DCAF17: variants seen among roughly 807,000 people sequenced by gnomAD.
DCAF17 encodes DDB1- and CUL4-associated factor 17.
Under a neutral mutation model 66.0 loss-of-function variants are expected in DCAF17, and 48 were observed. The observed-to-expected ratio is 0.73, with a 90% CI of 0.58 to 0.92. The LOEUF (loss-of-function observed/expected upper bound fraction) is 0.92. Among genes scored for constraint, DCAF17 ranks in the 40% least tolerant of loss-of-function variants. The pLI is 0.00. For synonymous variants in DCAF17, 206 were observed against 214.6 expected, an observed-to-expected ratio of 0.96 and a Z score of 0.35; for missense variants, 562 against 622.8, an observed-to-expected ratio of 0.90 and a Z score of 1.04.
chr2:171,465,721 G>T (rs984852413), intron 8 of DCAF17, among the ~76,000 whole-genome samples: 4 of 152,104 alleles, frequency 2.6e-5, no homozygotes, highest in Non-Finnish European at 5.9e-5. Context: ...CTGACCTCAG[G>T]CAATCTACCC....
intron 2 of DCAF17, among the ~76,000 whole-genome samples, chr2:171,439,238 T>A (rs772591456): frequency 1.3e-5 from 2 of 152,160 alleles, no homozygotes. Context: ...CAGCCATTAT[T>A]ACTTCAAATA....
chr2:171,434,837 C>T, intron 1 of DCAF17, 134 bp downstream of exon 1: 1 of 1,351,896 alleles, frequency 7.4e-7, no homozygotes, highest in East Asian at 2.6e-5. Flanking sequence ...GGATACAAGC[C>T]CGGAATCTGG....
intron 8 of DCAF17, among the ~76,000 whole-genome samples, chr2:171,467,002 A>G (rs994410895): frequency 4.6e-5 from 7 of 151,984 alleles, no homozygotes; most frequent in African/African-American, 1.7e-4. Flanking sequence ...AAAGACCTTT[A>G]TATATTAAAG....
chr2:171,483,924 G>C lies in DCAF17; in HGVS notation c.*2810G>C, dbSNP rs774736126. ...TCCTCCAAAGTTCTCAAAAGGCAAGGCATGTTATTTTATCCCAATTTAGCA... is the reference window on the plus strand; with the variant it reads ...TCCTCCAAAGTTCTCAAAAGGCAAGCCATGTTATTTTATCCCAATTTAGCA... On this transcript the variant is annotated 3_prime_UTR_variant, in exon 14 of 14. Coordinates refer to ENST00000375255, the MANE Select transcript of DCAF17 (RefSeq NM_025000.4). 6 of 453,856 alleles carry C rather than the reference G, an allele frequency of 1.3e-5. No homozygotes were observed. The highest frequency in any genetic ancestry group is 9.3e-5 in the South Asian group (6 of 64,476). The allele number at this position is 453,856 out of a possible 1,614,324, so 28.1% of individuals were successfully genotyped here.
chr2:171,454,068 G>T (rs935598466), intron 6 of DCAF17, among the ~76,000 whole-genome samples: 3 of 151,888 alleles, frequency 2.0e-5, no homozygotes, highest in African/African-American at 4.8e-5. Context: ...TACTCAGAAG[G>T]CTGAGGCAGG....
At position 171,458,000 on chromosome 2, in the gene DCAF17, G is replaced by T; in HGVS notation, c.657G>T (p.Leu219Phe). The stretch of plus-strand genomic sequence containing the variant: ...TTGGGAACGTTACAGATGCTACCTT[G>T]TCTCATGGAATACTGATTGTGATGT... Reference protein sequence around the residue: ...KIFGNVTDATLSHGILIVMYS... With the variant: ...KIFGNVTDATFSHGILIVMYS... The change falls in exon 7 of 14, where the codon TTG becomes TTT. Residue 219 changes from leucine (L) to phenylalanine (F), a missense_variant. This residue lies in a region of DCAF17 where 348 missense variants were observed against 355.9 expected (regional missense o/e 0.98). Coordinates refer to ENST00000375255, the MANE Select transcript of DCAF17 (RefSeq NM_025000.4). 1 of 1,614,088 alleles carries T rather than the reference G, an allele frequency of 6.2e-7. No homozygotes were observed. The highest frequency in any genetic ancestry group is 1.1e-5 in the South Asian group (1 of 91,082).
chr2:171,467,936 C>T (rs1696019206), intron 8 of DCAF17, among the ~76,000 whole-genome samples: 1 of 151,914 alleles, frequency 6.6e-6, no homozygotes, highest in Non-Finnish European at 1.5e-5. Flanking sequence ...AATCATCTTC[C>T]TAAGACAAGC....
At chr2:171,471,269 G>C (rs1696228907) in intron 9 of DCAF17, among the ~76,000 whole-genome samples, 1 of 152,088 alleles carries the variant, frequency 6.6e-6, no homozygotes. Context: ...TTAGTCAGAA[G>C]AGTAGATAAC....
chr2:171,484,938 C>G lies in DCAF17; in HGVS notation c.*3824C>G. ...TCATTTCTTTTTATTGCTGAGTATT[C>G]TTTCGTATGAATATATCACAGTTTG... On this transcript the variant is annotated 3_prime_UTR_variant, in exon 14 of 14. Coordinates refer to ENST00000375255, the MANE Select transcript of DCAF17 (RefSeq NM_025000.4). 2.2e-6 allele frequency: 1 copy of G among 453,962 alleles called. No homozygotes were observed. The allele number at this position is 453,962 out of a possible 1,614,324, so 28.1% of individuals were successfully genotyped here. A position where few individuals can be genotyped will look rare whatever the true frequency, so the allele number is the denominator to read the frequency against.
intron 9 of DCAF17, among the ~76,000 whole-genome samples, chr2:171,473,305 G>A (rs901234058): frequency 6.6e-6 from 1 of 152,104 alleles, no homozygotes; most frequent in Non-Finnish European, 1.5e-5. Context: ...TGTTTAGTAG[G>A]TTGAAAATAT....
At chr2:171,441,892 T>C (rs1015105791) in intron 2 of DCAF17, among the ~76,000 whole-genome samples, 1 of 152,248 alleles carries the variant, frequency 6.6e-6, no homozygotes, top group African/African-American at 2.4e-5. Context: ...GAGCTCTTCA[T>C]GCCCTCATGC....
intron 8 of DCAF17, among the ~76,000 whole-genome samples, chr2:171,458,959 GTC>G (rs1695419621): frequency 6.6e-6 from 1 of 152,076 alleles, no homozygotes; most frequent in Non-Finnish European, 1.5e-5. Context: ...TTATATACAA[GTC>G]TATAAATATA....
Position 171,458,066 on chromosome 2 carries a change from C to T in DCAF17, c.723C>T (p.Ile241=), listed in dbSNP as rs746865242. 83 of 1,613,366 alleles carry T rather than the reference C, an allele frequency of 5.1e-5. No individual in the cohort carries two copies. Among genetic ancestry groups the T allele is most frequent in the Non-Finnish European group, 6.6e-5 (78 of 1,179,494 alleles). Residue 241 remains isoleucine, a synonymous_variant, in exon 7 of 14, where the codon ATC becomes ATT. Transcript: ENST00000375255. ...GLVRLYSFQT[I]AEQFMQQKLD... ...TCAGACTCTATAGCTTCCAAACCAT[C>T]GCTGAACAGGTAGAGAAAACTGAAA...
At position 171,468,961 on chromosome 2, in the gene DCAF17, C is replaced by T. The variant is rs764555678; in HGVS notation, c.912C>T (p.Tyr304=). ...AGATTGGAGGCCATCCTTGGCACTA[C>T]ATCGTCACACCTAATAAGAAGAAAC... ...AFQIGGHPWH[Y]IVTPNKKKQK... is the part of the protein sequence containing the mutation. The change falls in exon 9 of 14, where the codon TAC becomes TAT. Residue 304 remains tyrosine, a synonymous_variant. Transcript: ENST00000375255. The T allele has an allele frequency of 3.1e-6, 5 of 1,614,110 alleles. No individual in the cohort carries two copies. Among genetic ancestry groups the T allele is most frequent in the Non-Finnish European group, 4.2e-6 (5 of 1,179,964 alleles).
intron 8 of DCAF17, among the ~76,000 whole-genome samples, chr2:171,466,762 C>T (rs1695925451): frequency 7.0e-6 from 1 of 141,882 alleles, no homozygotes; most frequent in African/African-American, 2.7e-5. Context: ...ATTCCTATGT[C>T]CTCTATATTG....
intron 6 of DCAF17, among the ~76,000 whole-genome samples, chr2:171,454,142 C>G (rs886320607): frequency 2.4e-4 from 37 of 151,758 alleles, no homozygotes; most frequent in African/African-American, 7.3e-5. Context: ...TACACTCCAG[C>G]CTGGGTGACA....
intron 8 of DCAF17, among the ~76,000 whole-genome samples, chr2:171,466,630 C>T (rs1287406942): frequency 6.6e-6 from 1 of 151,644 alleles, no homozygotes; most frequent in East Asian, 1.9e-4. Flanking sequence ...GTTCACAGGG[C>T]ACATTAGAGT....
At position 171,484,394 on chromosome 2, in the gene DCAF17, TA is replaced by T; in HGVS notation, c.*3284del. On this transcript the variant is annotated 3_prime_UTR_variant, in exon 14 of 14. Coordinates refer to ENST00000375255, the MANE Select transcript of DCAF17 (RefSeq NM_025000.4). ...TTATGAAAAATGTTCAAACATACAG[TA>T]AAATTGAAAGAATTTTATAGTAAAT... 1 of 390,854 alleles carries T rather than the reference TA, an allele frequency of 2.6e-6. No homozygotes were observed. Among genetic ancestry groups the T allele is most frequent in the Non-Finnish European group, 4.9e-6 (1 of 202,564 alleles). 24.2% of individuals were successfully genotyped at this position (390,854 alleles called of 1,614,324 possible).
In DCAF17 at chr2:171,483,889, G is replaced by T. The variant is rs16859404; in HGVS notation, c.*2775G>T. 11,900 of 454,000 alleles carry T rather than the reference G, an allele frequency of 0.026. 185 individuals carry two copies. The highest frequency in any genetic ancestry group is 0.047 in the East Asian group (681 of 14,390). The allele number at this position is 454,000 out of a possible 1,614,324, so 28.1% of individuals were successfully genotyped here. A position where few individuals can be genotyped will look rare whatever the true frequency, so the allele number is the denominator to read the frequency against. ...AACCAGATTTGTTCGGCATGAACTT[G>T]TGCCAAATTTCCTCCAAAGTTCTCA... On this transcript the variant is annotated 3_prime_UTR_variant, in exon 14 of 14. Transcript: ENST00000375255.
Sources: gnomAD v4.1 joint callset for allele counts (sites outside exome capture counted in the v4.1 genomes callset) on GRCh38, gnomAD v4.1.1 for gene constraint, gnomAD v4.1.1 regional missense constraint, MANE v1.5 for transcripts, NCBI Gene and HGNC (gene_info 2026-07-23, HGNC 2026-07-21) for gene names.